MYO16: variants seen among roughly 807,000 people sequenced by gnomAD.
MYO16 encodes the protein unconventional myosin-XVI.
Under a neutral mutation model 205.3 loss-of-function variants are expected in MYO16, and 94 were observed. The observed-to-expected ratio is 0.46, with a 90% confidence interval of 0.39 to 0.54. The LOEUF (loss-of-function observed/expected upper bound fraction) is 0.54, where lower values mean the gene tolerates loss of function less well. Among genes scored for constraint, MYO16 ranks in the 20% least tolerant of loss-of-function variants. The pLI, the probability that MYO16 is intolerant of heterozygous loss-of-function variation, is 0.00. For synonymous variants in MYO16, 988 were observed against 954.0 expected (o/e 1.04, Z -0.66); for missense variants, 2,315 against 2,387.5 (o/e 0.97, Z 0.63).
At chr13:108,975,115 T>A (rs1209948316) in intron 20 of MYO16, among the ~76,000 whole-genome samples, 1 of 152,082 alleles carries the variant, frequency 6.6e-6, no homozygotes, top group Admixed American at 6.6e-5. Flanking sequence ...TACTGTAAAA[T>A]CCTTGGTATG....
At chr13:109,117,037 A>G (rs938445402) in intron 28 of MYO16, among the ~76,000 whole-genome samples, 1 of 152,160 alleles carries the variant, frequency 6.6e-6, no homozygotes, top group Non-Finnish European at 1.5e-5. Flanking sequence ...TGAAGTCACA[A>G]TACAAACTGG....
rs142584882 is a variant in MYO16 at position 109,135,654 on chromosome 13, C to T, written c.4052-4610C>T. ...ATTGGGACTGCAGGCTCACATTGCACCTCGCCAAAATTTTGAGAGACCAAA... is the reference window on the plus strand; with the variant it reads ...ATTGGGACTGCAGGCTCACATTGCATCTCGCCAAAATTTTGAGAGACCAAA... On this transcript the variant is annotated intron_variant, in intron 31 of 34. Coordinates refer to ENST00000457511, the MANE Select transcript of MYO16 (RefSeq NM_001198950.3). Among the ~76,000 whole-genome samples, 208 of 152,280 alleles carry T rather than the reference C, an allele frequency of 1.4e-3. 1 individual carries two copies. Among genetic ancestry groups the T allele is most frequent in the African/African-American group, 4.8e-3 (198 of 41,560 alleles).
At chr13:108,886,060 T>C (rs1879862708) in intron 13 of MYO16, among the ~76,000 whole-genome samples, 1 of 152,088 alleles carries the variant, frequency 6.6e-6, no homozygotes, top group Non-Finnish European at 1.5e-5. Flanking sequence ...CGATCTGGGC[T>C]CACTGCAAGC....
chr13:108,658,999 T>C (rs912076437), intron 1 of MYO16, among the ~76,000 whole-genome samples: 1 of 151,968 alleles, frequency 6.6e-6, no homozygotes, highest in Non-Finnish European at 1.5e-5. Context: ...CACAGGAAGA[T>C]TTTTATTCTA....
chr13:108,667,131 A>G (rs1353715232), intron 2 of MYO16, among the ~76,000 whole-genome samples: 1 of 152,180 alleles, frequency 6.6e-6, no homozygotes, highest in African/African-American at 2.4e-5. Context: ...GTTTGGAAAA[A>G]TAATAAATTC....
chr13:108,707,112 G>T (rs1228073748), intron 2 of MYO16, among the ~76,000 whole-genome samples: 1 of 152,122 alleles, frequency 6.6e-6, no homozygotes, highest in Non-Finnish European at 1.5e-5. Flanking sequence ...TGATTGAGCA[G>T]CTCACTTGAA....
chr13:108,541,743 A>C, the MYO16 span, among the ~76,000 whole-genome samples: 1 of 152,324 alleles, frequency 6.6e-6, no homozygotes, highest in African/African-American at 2.4e-5. Context: ...AGAGACATGC[A>C]AGTCAAAACC....
intron 4 of MYO16, among the ~76,000 whole-genome samples, chr13:108,774,332 T>C (rs1034842443): frequency 1.3e-5 from 2 of 152,148 alleles, no homozygotes; most frequent in African/African-American, 4.8e-5. Flanking sequence ...TGGGGAATGA[T>C]ATATTTGAGT....
chr13:108,698,792 A>G (rs79213134), intron 2 of MYO16, among the ~76,000 whole-genome samples: 2,251 of 152,306 alleles, frequency 0.015, 62 homozygotes, highest in African/African-American at 0.049. Flanking sequence ...AAGAGTCTCT[A>G]CTGCCTCCTT....
At chr13:109,177,932 A>C (rs1281076839) in intron 33 of MYO16, among the ~76,000 whole-genome samples, 1 of 152,194 alleles carries the variant, frequency 6.6e-6, no homozygotes, top group African/African-American at 2.4e-5. Context: ...GTTCCTATAG[A>C]AGTGAAGGTT....
intron 16 of MYO16, among the ~76,000 whole-genome samples, chr13:108,932,328 T>C (rs1200031251): frequency 1.3e-5 from 2 of 152,304 alleles, no homozygotes; most frequent in East Asian, 1.9e-4. Flanking sequence ...TTATTCTGCC[T>C]GCCGATGGTT....
At chr13:108,577,714 T>C in the MYO16 span, among the ~76,000 whole-genome samples, 2 of 152,234 alleles carry the variant, frequency 1.3e-5, no homozygotes, top group South Asian at 2.1e-4. Context: ...CTACAAGACA[T>C]ACTTATAGTC....
chr13:108,532,459 A>G, the MYO16 span, among the ~76,000 whole-genome samples: 1 of 150,958 alleles, frequency 6.6e-6, no homozygotes, highest in Non-Finnish European at 1.5e-5. Flanking sequence ...TTGAGAAGAG[A>G]GAGTGTGGTA....
rs868781191 is a variant in MYO16 at position 108,934,273 on chromosome 13, T to A, written c.1926-23415T>A. Among the ~76,000 whole-genome samples the A allele has an allele frequency of 1.1e-4, 16 of 152,312 alleles. 1 individual carries two copies. Among genetic ancestry groups the A allele is most frequent in the Middle Eastern group, 3.4e-3 (1 of 294 alleles). On this transcript the variant is annotated intron_variant, in intron 16 of 34. Coordinates refer to ENST00000457511, the MANE Select transcript of MYO16 (RefSeq NM_001198950.3). ...CAATGTCTATTGTTTTTTGACTTTT[T>A]AATAATAGCCATTCTGATTGGTATG...
intron 20 of MYO16, among the ~76,000 whole-genome samples, chr13:108,979,864 T>C (rs1338396000): frequency 6.6e-6 from 1 of 152,178 alleles, no homozygotes; most frequent in Non-Finnish European, 1.5e-5. Flanking sequence ...AAAATAACTT[T>C]AAATTATCAG....
At chr13:108,645,376 A>T (rs1880706007) in intron 1 of MYO16, among the ~76,000 whole-genome samples, 1 of 152,106 alleles carries the variant, frequency 6.6e-6, no homozygotes, top group African/African-American at 2.4e-5. Flanking sequence ...AGTGTCTACG[A>T]TAGTTTGCAG....
Position 108,942,742 on chromosome 13 carries a change from A to G in MYO16, c.1926-14946A>G, listed in dbSNP as rs78813813. Among the ~76,000 whole-genome samples, 183 of 152,320 alleles carry G rather than the reference A, an allele frequency of 1.2e-3. No homozygotes were observed. In the East Asian group the frequency reaches 0.02, roughly 16 times the overall value. ...AATAATCTCAGTTCTTGGCACGTGT[A>G]GAAACCCAGTATTTTTGTTTCCTTG... On this transcript the variant is annotated intron_variant, in intron 16 of 34. Coordinates refer to ENST00000457511, the MANE Select transcript of MYO16 (RefSeq NM_001198950.3).
chr13:108,716,453 G>T (rs1177007211), intron 3 of MYO16, among the ~76,000 whole-genome samples: 2 of 152,208 alleles, frequency 1.3e-5, no homozygotes, highest in Admixed American at 1.3e-4. Context: ...GGACGGATAA[G>T]GAAACCTCGT....
intron 11 of MYO16, among the ~76,000 whole-genome samples, chr13:108,864,442 G>A (rs1878606071): frequency 6.6e-6 from 1 of 152,072 alleles, no homozygotes; most frequent in Non-Finnish European, 1.5e-5. Context: ...ACCTACTAGT[G>A]ACTTCAGTAT....
Sources: gnomAD v4.1 joint callset for allele counts (sites outside exome capture counted in the v4.1 genomes callset) on GRCh38, gnomAD v4.1.1 for gene constraint, MANE v1.5 for transcripts, NCBI Gene and HGNC (gene_info 2026-07-23, HGNC 2026-07-21) for gene names.